LRP1B: variants seen among roughly 807,000 people sequenced by gnomAD.
LRP1B encodes LDL receptor related protein 1B, also known as low-density lipoprotein receptor-related protein 1B.
A neutral mutation model predicts 556.6 loss-of-function variants in LRP1B; 217 were observed. That is an observed-to-expected ratio of 0.39 (90% CI 0.35 to 0.44). The LOEUF is 0.44. LRP1B is among the 20% of genes least tolerant of loss of function. The probability of loss-of-function intolerance (pLI) is 1.00; values close to 1 mark genes in which losing one functional copy is unlikely to be tolerated. For missense variants in LRP1B, 5,053 were observed against 5,620.8 expected, an observed-to-expected ratio of 0.90 and a Z score of 3.23; for synonymous variants, 2,047 against 1,865.8, an observed-to-expected ratio of 1.10 and a Z score of -2.50.
chr2:141,798,475 G>A (rs1181017877), intron 2 of LRP1B, among the ~76,000 whole-genome samples: 1 of 152,014 alleles, frequency 6.6e-6, no homozygotes, highest in Non-Finnish European at 1.5e-5. Context: ...CTGGGGGGCC[G>A]AGGCAGGTGG....
At chr2:140,281,282 C>G (rs1682902418) in intron 84 of LRP1B, among the ~76,000 whole-genome samples, 1 of 151,924 alleles carries the variant, frequency 6.6e-6, no homozygotes, top group Non-Finnish European at 1.5e-5. Context: ...CAATCTATAA[C>G]TGCATTTAAC....
intron 2 of LRP1B, among the ~76,000 whole-genome samples, chr2:141,780,173 TA>T (rs1032436918): frequency 3.0e-4 from 45 of 151,286 alleles, no homozygotes; most frequent in Non-Finnish European, 4.7e-4. Flanking sequence ...TGAGACAATA[TA>T]AAAAAAAGAA....
intron 1 of LRP1B, among the ~76,000 whole-genome samples, chr2:142,029,782 A>G (rs1238532203): frequency 6.6e-6 from 1 of 151,720 alleles, no homozygotes; most frequent in Non-Finnish European, 1.5e-5. Flanking sequence ...CCTAATCCAT[A>G]CTTCTCTCAC....
chr2:141,091,423 CAAA>C (rs1262092053), intron 7 of LRP1B, among the ~76,000 whole-genome samples: 1 of 152,136 alleles, frequency 6.6e-6, no homozygotes, highest in African/African-American at 2.4e-5. Context: ...ACAACAACAA[CAAA>C]AAACATTGCT....
At chr2:141,339,216 T>C (rs1687959771) in intron 3 of LRP1B, among the ~76,000 whole-genome samples, 1 of 151,658 alleles carries the variant, frequency 6.6e-6, no homozygotes, top group Non-Finnish European at 1.5e-5. Context: ...TCTATAAATT[T>C]TTTCCCTAAT....
At chr2:140,366,382 G>A (rs1682761506) in intron 71 of LRP1B, among the ~76,000 whole-genome samples, 1 of 151,636 alleles carries the variant, frequency 6.6e-6, no homozygotes, top group African/African-American at 2.4e-5. Flanking sequence ...ACTGCAGGAG[G>A]AGCAGGCTTA....
At chr2:141,628,667 G>T (rs746453349) in intron 2 of LRP1B, among the ~76,000 whole-genome samples, 1 of 151,530 alleles carries the variant, frequency 6.6e-6, no homozygotes, top group East Asian at 1.9e-4. Flanking sequence ...ATTTTTTTTT[G>T]AAATAGGGTC....
intron 2 of LRP1B, among the ~76,000 whole-genome samples, chr2:141,720,895 T>G (rs763505587): frequency 3.3e-5 from 5 of 152,158 alleles, no homozygotes; most frequent in Non-Finnish European, 7.4e-5. Flanking sequence ...TTCTACTGGT[T>G]GGTAATGCAT....
At chr2:142,120,689 A>G (rs1707427762) in intron 1 of LRP1B, among the ~76,000 whole-genome samples, 1 of 152,222 alleles carries the variant, frequency 6.6e-6, no homozygotes, top group Non-Finnish European at 1.5e-5. Flanking sequence ...TGATAGAAAT[A>G]ACAGCAAAAT....
At chr2:140,465,191 G>A (rs184389390) in intron 60 of LRP1B, among the ~76,000 whole-genome samples, 71 of 152,226 alleles carry the variant, frequency 4.7e-4, no homozygotes, top group South Asian at 1.9e-3. Context: ...CAAGATGCAC[G>A]TGGAGAGGTG....
At chr2:141,214,475 T>C (rs184105314) in intron 6 of LRP1B, among the ~76,000 whole-genome samples, 4 of 152,264 alleles carry the variant, frequency 2.6e-5, no homozygotes. Context: ...ATTTTATGCA[T>C]CTAAACACCT....
chr2:141,191,032 A>G (rs752414122), intron 6 of LRP1B, among the ~76,000 whole-genome samples: 6 of 151,936 alleles, frequency 3.9e-5, no homozygotes, highest in Non-Finnish European at 8.8e-5. Context: ...CCTTATTTCC[A>G]AAGATGGTGG....
chr2:141,344,225 G>T (rs1269352670), intron 3 of LRP1B, among the ~76,000 whole-genome samples: 2 of 152,066 alleles, frequency 1.3e-5, no homozygotes, highest in Admixed American at 1.3e-4. Context: ...ATAAAATTAT[G>T]TCCCTCCTTT....
intron 69 of LRP1B, 81 bp downstream of exon 69, chr2:140,372,927 T>A (rs2105170610): frequency 6.8e-7 from 1 of 1,473,366 alleles, no homozygotes; most frequent in Non-Finnish European, 9.4e-7. Context: ...TTTGCCACTG[T>A]TTTCTGCATA....
chr2:141,363,906 A>T (rs11896841), intron 3 of LRP1B, among the ~76,000 whole-genome samples: 9,483 of 152,236 alleles, frequency 0.062, 402 homozygotes, highest in African/African-American at 0.11. Context: ...TTTATTCTAC[A>T]AATAAATACT....
chr2:140,866,678 A>T (rs894848209), intron 27 of LRP1B, among the ~76,000 whole-genome samples: 2 of 152,162 alleles, frequency 1.3e-5, no homozygotes, highest in Admixed American at 6.6e-5. Flanking sequence ...AGATTTTGGT[A>T]GAATAAATAG....
chr2:141,532,798 C>T (rs1435282123), intron 2 of LRP1B, among the ~76,000 whole-genome samples: 1 of 151,914 alleles, frequency 6.6e-6, no homozygotes, highest in African/African-American at 2.4e-5. Flanking sequence ...ACAGCCTGGC[C>T]AAAATAGTGA....
chr2:140,483,837 C>T (rs760858663), intron 59 of LRP1B, among the ~76,000 whole-genome samples: 5 of 151,348 alleles, frequency 3.3e-5, no homozygotes, highest in Admixed American at 6.6e-5. Flanking sequence ...GATGGGGTTT[C>T]GCCATGGTGG....
At chr2:140,349,289 CTATGTT>C (rs1449765963) in intron 77 of LRP1B, among the ~76,000 whole-genome samples, 1 of 151,994 alleles carries the variant, frequency 6.6e-6, no homozygotes, top group Non-Finnish European at 1.5e-5. Context: ...GAAGATGTGT[CTATGTT>C]TATCAATTGT....
Sources: allele counts gnomAD v4.1 joint callset (sites outside exome capture counted in the v4.1 genomes callset), GRCh38; gene constraint gnomAD v4.1.1; transcripts MANE v1.5; gene names NCBI Gene and HGNC (gene_info 2026-07-23, HGNC 2026-07-21).